LUZP2: variants seen among roughly 807,000 people sequenced by gnomAD.
The protein encoded by LUZP2 is leucine zipper protein 2.
Under a neutral mutation model 51.6 loss-of-function variants are expected in LUZP2, and 52 were observed. The ratio of observed to expected loss-of-function variants is 1.01; its 90% CI spans 0.81 to 1.27. The LOEUF (loss-of-function observed/expected upper bound fraction) is 1.27. Ranked by LOEUF, LUZP2 falls within the 50% of genes most tolerant of loss-of-function variation. LUZP2 has a pLI of 0.00. For missense variants in LUZP2, 436 were observed against 395.4 expected (o/e 1.10, Z -0.87); for synonymous variants, 154 against 137.3 (o/e 1.12, Z -0.85).
intron 5 of LUZP2, among the ~76,000 whole-genome samples, chr11:24,806,536 C>A (rs1849861067): frequency 6.6e-6 from 1 of 151,962 alleles, no homozygotes; most frequent in Non-Finnish European, 1.5e-5. Context: ...AAGGGAGGAG[C>A]ATTAAGTTCA....
At chr11:24,748,352 G>C (rs1380210233) in intron 4 of LUZP2, among the ~76,000 whole-genome samples, 1 of 152,108 alleles carries the variant, frequency 6.6e-6, no homozygotes, top group Admixed American at 6.6e-5. Context: ...GGAGCCGAGG[G>C]TCTCCCTTTC....
chr11:24,724,525 C>T (rs1467526466), intron 1 of LUZP2, among the ~76,000 whole-genome samples: 1 of 152,092 alleles, frequency 6.6e-6, no homozygotes, highest in East Asian at 1.9e-4. Context: ...AAGCCGAGAT[C>T]ATGCCACTGT....
chr11:24,912,163 T>A (rs922251856), intron 6 of LUZP2, among the ~76,000 whole-genome samples: 1 of 151,554 alleles, frequency 6.6e-6, no homozygotes, highest in Non-Finnish European at 1.5e-5. Context: ...CTCTCTTTCC[T>A]CCTCTTTCCT....
chr11:24,864,161 G>A (rs1851818552), intron 5 of LUZP2, among the ~76,000 whole-genome samples: 1 of 152,058 alleles, frequency 6.6e-6, no homozygotes, highest in East Asian at 1.9e-4. Context: ...CTAATAATAA[G>A]TGTAATTATA....
chr11:24,614,871 C>G (rs1854236815), intron 1 of LUZP2, among the ~76,000 whole-genome samples: 1 of 151,942 alleles, frequency 6.6e-6, no homozygotes, highest in African/African-American at 2.4e-5. Flanking sequence ...ATCTCAACCT[C>G]ATAGACTTTA....
At chr11:24,688,152 A>G (rs1042727988) in intron 1 of LUZP2, among the ~76,000 whole-genome samples, 3 of 152,208 alleles carry the variant, frequency 2.0e-5, no homozygotes, top group Non-Finnish European at 2.9e-5. Context: ...ATTCTGAAAG[A>G]GAAACAACAA....
intron 1 of LUZP2, among the ~76,000 whole-genome samples, chr11:24,593,248 G>T (rs766729707): frequency 6.6e-5 from 10 of 152,028 alleles, no homozygotes; most frequent in Non-Finnish European, 1.0e-4. Flanking sequence ...TATTGCAAAT[G>T]TCTTACATTA....
At chr11:24,694,165 C>T (rs1364390671) in intron 1 of LUZP2, among the ~76,000 whole-genome samples, 1 of 151,984 alleles carries the variant, frequency 6.6e-6, no homozygotes, top group East Asian at 1.9e-4. Flanking sequence ...CTTCTTAAAC[C>T]TTCTGACATT....
chr11:24,546,681 T>G (rs987876844), intron 1 of LUZP2, among the ~76,000 whole-genome samples: 5 of 152,040 alleles, frequency 3.3e-5, no homozygotes, highest in Non-Finnish European at 5.9e-5. Flanking sequence ...TGCCAGTATT[T>G]TGTTGAGGAT....
chr11:24,548,964 T>C (rs543651047), intron 1 of LUZP2, among the ~76,000 whole-genome samples: 1 of 152,096 alleles, frequency 6.6e-6, no homozygotes, highest in East Asian at 1.9e-4. Flanking sequence ...TGTATACTGC[T>C]ATAGACTTTA....
chr11:24,930,767 G>T (rs925345323), intron 7 of LUZP2, among the ~76,000 whole-genome samples: 1 of 152,124 alleles, frequency 6.6e-6, no homozygotes, highest in South Asian at 2.1e-4. Flanking sequence ...TGGATATCTA[G>T]ATCTCTAGTA....
intron 7 of LUZP2, among the ~76,000 whole-genome samples, 154 bp downstream of exon 7, chr11:24,914,692 A>G (rs1214892185): frequency 6.6e-6 from 1 of 152,120 alleles, no homozygotes; most frequent in Non-Finnish European, 1.5e-5. Context: ...TTGACAACTT[A>G]ATTAATGGAG....
At chr11:24,575,732 G>A (rs1400742849) in intron 1 of LUZP2, among the ~76,000 whole-genome samples, 3 of 152,106 alleles carry the variant, frequency 2.0e-5, no homozygotes, top group African/African-American at 7.2e-5. Flanking sequence ...ATGAGAGGCT[G>A]CATTCCAGAT....
intron 1 of LUZP2, among the ~76,000 whole-genome samples, chr11:24,596,525 T>C (rs1173898894): frequency 3.3e-5 from 5 of 152,120 alleles, no homozygotes; most frequent in Non-Finnish European, 7.4e-5. Flanking sequence ...TATAGGCAAA[T>C]ATACTGTTTA....
At chr11:24,938,346 G>A (rs1288730884) in intron 7 of LUZP2, among the ~76,000 whole-genome samples, 4 of 152,230 alleles carry the variant, frequency 2.6e-5, no homozygotes, top group East Asian at 3.9e-4. Context: ...TCTGGAAACA[G>A]AGATCTGAAA....
intron 1 of LUZP2, among the ~76,000 whole-genome samples, chr11:24,502,630 C>T (rs578005066): frequency 5.3e-5 from 8 of 152,222 alleles, no homozygotes; most frequent in South Asian, 4.2e-4. Context: ...ATGATCCACC[C>T]GCCTCTCGAC....
chr11:25,029,429 T>A (rs7935075), intron 9 of LUZP2, among the ~76,000 whole-genome samples: 87,659 of 151,504 alleles, frequency 0.58, 26,434 homozygotes, highest in African/African-American at 0.75. Flanking sequence ...GAACACTCTT[T>A]AAAAAAGAAA....
intron 7 of LUZP2, among the ~76,000 whole-genome samples, chr11:24,933,147 A>C (rs1179351207): frequency 6.6e-6 from 1 of 152,094 alleles, no homozygotes; most frequent in Non-Finnish European, 1.5e-5. Context: ...ACACTTTCAC[A>C]CTTTCGGTGC....
chr11:25,061,608 T>C (rs1024150361), intron 10 of LUZP2, among the ~76,000 whole-genome samples: 1 of 152,168 alleles, frequency 6.6e-6, no homozygotes, highest in Non-Finnish European at 1.5e-5. Context: ...TTGGGTACTT[T>C]ACTAATTAGG....
Sources: allele counts gnomAD v4.1 joint callset (sites outside exome capture counted in the v4.1 genomes callset), GRCh38; gene constraint gnomAD v4.1.1; transcripts MANE v1.5; gene names NCBI Gene and HGNC (gene_info 2026-07-23, HGNC 2026-07-21).